PLCZ1: variants seen among roughly 807,000 people sequenced by gnomAD.
The protein encoded by PLCZ1 is 1-phosphatidylinositol 4,5-bisphosphate phosphodiesterase zeta-1.
Under a neutral mutation model 76.8 loss-of-function variants are expected in PLCZ1, and 64 were observed. That is an observed-to-expected ratio of 0.83 (90% CI 0.68 to 1.03). The LOEUF is 1.03. Among genes scored for constraint, PLCZ1 ranks in the 50% least tolerant of loss-of-function variants. The pLI, the probability that PLCZ1 is intolerant of heterozygous loss-of-function variation, is 0.00. For missense variants in PLCZ1, 751 were observed against 713.7 expected, an observed-to-expected ratio of 1.05 and a Z score of -0.60; for synonymous variants, 248 against 230.8, an observed-to-expected ratio of 1.07 and a Z score of -0.68.
Position 18,698,239 on chromosome 12 carries a change from T to TTTA in PLCZ1, c.1174+1554_1174+1555insTAA, listed in dbSNP as rs1565677083. On this transcript the variant is annotated intron_variant, in intron 10 of 14. Transcript: ENST00000266505. ...TTATTATTACTGCTTGCAATACACT[T>TTTA]TTCTTCTATTCTATTCTATTCTATT... Among the ~76,000 whole-genome samples, 4 of 147,488 alleles carry TTTA rather than the reference T, an allele frequency of 2.7e-5. No individual in the cohort carries two copies. The East Asian group carries it at 6.1e-4, about 22-fold the overall frequency.
At chr12:18,652,057 A>C in the PLCZ1 span, among the ~76,000 whole-genome samples, 1 of 152,170 alleles carries the variant, frequency 6.6e-6, no homozygotes, top group Non-Finnish European at 1.5e-5. Flanking sequence ...TATAACTTTT[A>C]AAGTTAGGCA....
At chr12:18,705,962 C>T (rs1247895690) in intron 6 of PLCZ1, among the ~76,000 whole-genome samples, 1 of 151,726 alleles carries the variant, frequency 6.6e-6, no homozygotes, top group East Asian at 1.9e-4. Context: ...CATGGTGGCT[C>T]ACACCTGTAA....
chr12:18,727,160 A>G (rs1958799879), intron 3 of PLCZ1, among the ~76,000 whole-genome samples: 1 of 151,938 alleles, frequency 6.6e-6, no homozygotes, highest in South Asian at 2.1e-4. Flanking sequence ...CCTGGGCAAC[A>G]TAGTGAGACC....
At chr12:18,729,173 A>G (rs1383036215) in intron 3 of PLCZ1, among the ~76,000 whole-genome samples, 1 of 152,014 alleles carries the variant, frequency 6.6e-6, no homozygotes, top group Non-Finnish European at 1.5e-5. Context: ...TCTGGCTATA[A>G]CTGTCATTTG....
At chr12:18,684,420 A>C in intron 13 of PLCZ1, 141 bp from the exon 14 acceptor site, 1 of 721,318 alleles carries the variant, frequency 1.4e-6, no homozygotes, top group East Asian at 2.7e-5. Context: ...TTTTTAATAT[A>C]CTCAGTGTGA....
chr12:18,706,003 G>A (rs1956560204), intron 6 of PLCZ1, among the ~76,000 whole-genome samples: 1 of 151,990 alleles, frequency 6.6e-6, no homozygotes, highest in African/African-American at 2.4e-5. Context: ...GAGGCGGGTG[G>A]ATCACCTGGG....
At chr12:18,651,346 C>T in the PLCZ1 span, among the ~76,000 whole-genome samples, 2 of 152,132 alleles carry the variant, frequency 1.3e-5, no homozygotes, top group African/African-American at 4.8e-5. Flanking sequence ...TGCAAGCTGC[C>T]CTGTCCCTGG....
intron 5 of PLCZ1, among the ~76,000 whole-genome samples, chr12:18,715,330 G>C (rs1957850606): frequency 6.6e-6 from 1 of 151,690 alleles, no homozygotes; most frequent in South Asian, 2.1e-4. Flanking sequence ...TAACTTGGAG[G>C]CTTCACCAAC....
At chr12:18,677,338 C>G in the PLCZ1 span, among the ~76,000 whole-genome samples, 3 of 152,070 alleles carry the variant, frequency 2.0e-5, no homozygotes, top group Admixed American at 2.0e-4. Flanking sequence ...GAATCAGCAC[C>G]GTGCAATCAA....
rs184386482 is a variant in PLCZ1 at position 18,691,829 on chromosome 12, C to G, written c.1461+3081G>C. Among the ~76,000 whole-genome samples the G allele has an allele frequency of 3.1e-4, 47 of 152,296 alleles. No individual in the cohort carries two copies. The East Asian group carries it at 4.6e-3, about 15-fold the overall frequency. ...TACATCAGAGTCACAAACTCCTTAA[C>G]AGACAATACAAAAGCCAGCTACATA... is the stretch of plus-strand genomic sequence containing the variant. On this transcript the variant is annotated intron_variant, in intron 12 of 14. Transcript: ENST00000266505.
chr12:18,650,205 C>G, the PLCZ1 span, among the ~76,000 whole-genome samples: 1 of 151,760 alleles, frequency 6.6e-6, no homozygotes, highest in Non-Finnish European at 1.5e-5. Context: ...TCCCCCAGAC[C>G]TGTTTTATCC....
At chr12:18,720,635 T>G (rs1360198054) in intron 4 of PLCZ1, among the ~76,000 whole-genome samples, 1 of 152,036 alleles carries the variant, frequency 6.6e-6, no homozygotes, top group Non-Finnish European at 1.5e-5. Flanking sequence ...CTATTATTAC[T>G]GTTGATAGTT....
chr12:18,709,596 C>G (rs560839527), intron 6 of PLCZ1, among the ~76,000 whole-genome samples: 6 of 151,980 alleles, frequency 3.9e-5, no homozygotes, highest in African/African-American at 1.4e-4. Flanking sequence ...AATCTGTACA[C>G]TGTAGCCTAG....
intron 12 of PLCZ1, among the ~76,000 whole-genome samples, chr12:18,689,327 G>A (rs1337684893): frequency 6.6e-6 from 1 of 152,106 alleles, no homozygotes. Context: ...TATGAAAACT[G>A]AATGAGAATT....
the PLCZ1 span, among the ~76,000 whole-genome samples, chr12:18,660,627 C>T: frequency 1.3e-5 from 2 of 152,200 alleles, no homozygotes; most frequent in African/African-American, 2.4e-5. Context: ...ATACCTCAGG[C>T]TGGTCCTTGG....
intron 12 of PLCZ1, among the ~76,000 whole-genome samples, chr12:18,694,378 C>T (rs1216652940): frequency 1.3e-5 from 2 of 152,064 alleles, no homozygotes; most frequent in Non-Finnish European, 2.9e-5. Flanking sequence ...TTAAAGTTGA[C>T]ACAAATTAAC....
intron 7 of PLCZ1, among the ~76,000 whole-genome samples, chr12:18,703,713 C>G (rs1471033625): frequency 6.6e-6 from 1 of 152,118 alleles, no homozygotes; most frequent in Non-Finnish European, 1.5e-5. Flanking sequence ...CTGTTTTTGC[C>G]TGTATAAAAC....
intron 12 of PLCZ1, chr12:18,694,077 C>G: frequency 8.2e-7 from 1 of 1,222,446 alleles, no homozygotes; most frequent in South Asian, 1.2e-5. Flanking sequence ...CAGGAAGACA[C>G]CCCTGAGGGG....
intron 3 of PLCZ1, among the ~76,000 whole-genome samples, chr12:18,729,574 A>T (rs1032124986): frequency 2.6e-5 from 4 of 152,114 alleles, no homozygotes; most frequent in African/African-American, 9.6e-5. Context: ...AATCCAATTT[A>T]AAAAATCCTG....
Sources: allele counts gnomAD v4.1 joint callset (sites outside exome capture counted in the v4.1 genomes callset), GRCh38; gene constraint gnomAD v4.1.1; transcripts MANE v1.5; gene names NCBI Gene and HGNC (gene_info 2026-07-23, HGNC 2026-07-21).